TPM1: variants seen among roughly 807,000 people sequenced by gnomAD.
TPM1 encodes tropomyosin alpha-1 chain.
TPM1 carries 24 observed loss-of-function variants against 42.9 expected under a neutral mutation model. The ratio of observed to expected loss-of-function variants is 0.56; its 90% CI spans 0.41 to 0.79. The LOEUF (loss-of-function observed/expected upper bound fraction) is 0.79, where lower values mean the gene tolerates loss of function less well. TPM1 is among the 30% of genes least tolerant of loss of function. The pLI, the probability that TPM1 is intolerant of heterozygous loss-of-function variation, is 0.00. For synonymous variants in TPM1, 136 were observed against 130.1 expected (o/e 1.05, Z -0.31); for missense variants, 158 against 351.8 (o/e 0.45, Z 4.41).
chr15:63,058,613 G>T (rs2035144277), intron 3 of TPM1, among the ~76,000 whole-genome samples: 2 of 152,154 alleles, frequency 1.3e-5, no homozygotes, highest in Admixed American at 1.3e-4. Flanking sequence ...GGAGGCTGAG[G>T]CAGAAGAATC....
Position 63,042,925 on chromosome 15 carries a change from G to C in TPM1, c.96G>C (p.Ala32=). 2 of 1,603,390 alleles carry C rather than the reference G, an allele frequency of 1.2e-6. No homozygotes were observed. Among genetic ancestry groups the C allele is most frequent in the Non-Finnish European group, 1.7e-6 (2 of 1,175,176 alleles). The change falls in exon 1 of 10, where the codon GCG becomes GCC. Residue 32 remains alanine (A), a synonymous_variant. Transcript: ENST00000403994. ...AGGCGGAGGCCGACAAGAAGGCGGC[G>C]GAAGACAGGAGCAAGCAGGTCTGCG... ...AEQAEADKKA[A]EDRSKQLEDE... is the part of the protein sequence containing the mutation.
intron 2 of TPM1, among the ~76,000 whole-genome samples, chr15:63,052,685 G>A (rs991092010): frequency 2.6e-5 from 4 of 151,888 alleles, no homozygotes; most frequent in South Asian, 2.1e-4. Flanking sequence ...GGCTTGTACC[G>A]GCAGAGGCAA....
chr15:63,068,884 C>T (rs1258286571), downstream of TPM1, among the ~76,000 whole-genome samples: 2 of 152,162 alleles, frequency 1.3e-5, no homozygotes, highest in Non-Finnish European at 2.9e-5. Flanking sequence ...CGCGGTGGCT[C>T]ATGCCTGTAA....
At chr15:63,047,753 T>G (rs1288735610) in intron 2 of TPM1, 1 of 152,570 alleles carries the variant, frequency 6.6e-6, no homozygotes, top group Non-Finnish European at 1.5e-5. Context: ...AGTTTTTAAC[T>G]ATGTACAAGG....
chr15:63,070,253 T>C, downstream of TPM1: 1 of 1,169,734 alleles, frequency 8.5e-7, no homozygotes, highest in South Asian at 1.8e-5. Context: ...AAAAATGTTT[T>C]CTATTTCCTG....
At chr15:63,062,386 A>T in intron 7 of TPM1, 109 bp downstream of exon 7, 2 of 1,343,658 alleles carry the variant, frequency 1.5e-6, no homozygotes, top group Non-Finnish European at 2.1e-6. Flanking sequence ...AGTCAGGAAT[A>T]TTCAAAGGTC....
chr15:63,061,648 C>G, intron 5 of TPM1, 65 bp from the exon 6 acceptor site: 1 of 1,488,860 alleles, frequency 6.7e-7, no homozygotes, highest in South Asian at 1.1e-5. Context: ...CCATCCCTCT[C>G]CTTTTTCTCT....
intron 2 of TPM1, chr15:63,048,941 C>T (rs758991330): frequency 4.9e-6 from 3 of 615,754 alleles, no homozygotes; most frequent in Non-Finnish European, 8.6e-6. Flanking sequence ...CCAGGGGAAA[C>T]GGGTGGTGTT....
At chr15:63,057,550 G>A (rs1309001230) in intron 3 of TPM1, among the ~76,000 whole-genome samples, 3 of 150,838 alleles carry the variant, frequency 2.0e-5, no homozygotes, top group African/African-American at 7.3e-5. Context: ...TGTCAAAATA[G>A]CTTAACAAAT....
chr15:63,054,704 A>G (rs1431894965), intron 2 of TPM1: 1 of 152,252 alleles, frequency 6.6e-6, no homozygotes, highest in Non-Finnish European at 1.5e-5. Flanking sequence ...AGCCTCTGTA[A>G]CAAGGATATT....
chr15:63,053,501 C>A (rs1366047711), intron 2 of TPM1, among the ~76,000 whole-genome samples: 1 of 152,100 alleles, frequency 6.6e-6, no homozygotes, highest in East Asian at 1.9e-4. Context: ...CCACATACTT[C>A]TGTGCCCAGG....
chr15:63,046,300 T>G (rs1385939627), intron 2 of TPM1: 4 of 152,090 alleles, frequency 2.6e-5, no homozygotes, highest in Non-Finnish European at 5.9e-5. Context: ...ATATTGAGAG[T>G]ATTCGTTTTT....
At chr15:63,070,249 G>T, downstream of TPM1, 1 of 1,158,580 alleles carries the variant, frequency 8.6e-7, no homozygotes, top group Non-Finnish European at 1.1e-6. Flanking sequence ...CCCAAAAAAT[G>T]TTTTCTATTT....
At chr15:63,070,877 CTG>C (rs762843585), downstream of TPM1, 515 of 1,351,062 alleles carry the variant, frequency 3.8e-4, 2 homozygotes, top group Non-Finnish European at 3.5e-4. Flanking sequence ...CCTGACTGCT[CTG>C]TGAGAATCCG....
chr15:63,061,620 C>T (rs1348523713), intron 5 of TPM1, 93 bp from the exon 6 acceptor site: 1 of 1,212,362 alleles, frequency 8.2e-7, no homozygotes, highest in Non-Finnish European at 1.2e-6. Flanking sequence ...GTCTCTAGGA[C>T]TCAGTTTTCA....
At chr15:63,058,999 G>C (rs1288840106) in intron 3 of TPM1, among the ~76,000 whole-genome samples, 1 of 152,154 alleles carries the variant, frequency 6.6e-6, no homozygotes, top group East Asian at 1.9e-4. Context: ...TGAACCATAA[G>C]AAATTGCCAT....
intron 2 of TPM1, chr15:63,048,299 C>T: frequency 1.2e-6 from 1 of 848,200 alleles, no homozygotes; most frequent in Non-Finnish European, 1.7e-6. Flanking sequence ...GCCTTTCTCC[C>T]CGCCGCCGCG....
At chr15:63,049,420 C>T (rs2033355118) in intron 2 of TPM1, 1 of 152,268 alleles carries the variant, frequency 6.6e-6, no homozygotes, top group African/African-American at 2.4e-5. Context: ...GGTGTATTCT[C>T]TTGCGGGCTT....
At chr15:63,066,228 A>G (rs1443073068), downstream of TPM1, 3 of 1,267,472 alleles carry the variant, frequency 2.4e-6, no homozygotes, top group East Asian at 7.2e-5. Context: ...ACTGAACACT[A>G]TACAGAATTA....
Sources: gnomAD v4.1 joint callset for allele counts (sites outside exome capture counted in the v4.1 genomes callset) on GRCh38, gnomAD v4.1.1 for gene constraint, MANE v1.5 for transcripts, NCBI Gene and HGNC (gene_info 2026-07-23, HGNC 2026-07-21) for gene names.